The following CARS1 variants were observed in gnomAD, a reference collection of about 807,000 sequenced individuals.
CARS1 encodes the protein cysteinyl-tRNA synthetase 1.
A neutral mutation model predicts 106.2 loss-of-function variants in CARS1; 48 were observed. The ratio of observed to expected loss-of-function variants is 0.45; its 90% CI spans 0.36 to 0.57. The LOEUF (loss-of-function observed/expected upper bound fraction) is 0.57, where lower values mean the gene tolerates loss of function less well. Ranked by LOEUF, CARS1 falls within the 20% of genes least tolerant of loss-of-function variation. CARS1 has a pLI of 0.00. For synonymous variants in CARS1, 409 were observed against 403.4 expected (o/e 1.01, Z -0.17); for missense variants, 968 against 1,057.2 (o/e 0.92, Z 1.17).
intron 1 of CARS1, among the ~76,000 whole-genome samples, chr11:3,049,146 A>C (rs1442587417): frequency 6.6e-6 from 1 of 151,368 alleles, no homozygotes; most frequent in Non-Finnish European, 1.5e-5. Context: ...ACAGCGTCTG[A>C]CTCTACTGCC....
rs1038838754 is a variant in CARS1 at position 3,030,701 on chromosome 11, A to G, written c.802-1258T>C. 4 of 152,250 alleles carry G rather than the reference A, an allele frequency of 2.6e-5. No individual in the cohort carries two copies. The highest frequency in any genetic ancestry group is 5.9e-5 in the Non-Finnish European group (4 of 68,052). 9.4% of individuals were successfully genotyped at this position (152,250 alleles called of 1,614,324 possible). ...TTCAGATGGAGGAGTTATCAGATACATAATAAAATCCAGTAAATATTACAG... is the reference window on the plus strand; with the variant it reads ...TTCAGATGGAGGAGTTATCAGATACGTAATAAAATCCAGTAAATATTACAG... On this transcript the variant is annotated intron_variant, in intron 7 of 22. Coordinates refer to ENST00000380525, the MANE Select transcript of CARS1 (RefSeq NM_001014437.3). The surrounding 1 kb of genome is among the most constrained non-coding windows in gnomAD (Gnocchi z 5.7).
In CARS1 at chr11:3,021,720, C is replaced by T. The variant is rs1351350821; in HGVS notation, c.1154-1388G>A. Reference sequence around the variant, plus strand: ...TGATTCCCAGATTAAAAAACAAACACACAAAAACACAAAAAACCTCTGCAA... The same window carrying T: ...TGATTCCCAGATTAAAAAACAAACATACAAAAACACAAAAAACCTCTGCAA... On this transcript the variant is annotated intron_variant, in intron 10 of 22. Coordinates refer to ENST00000380525, the MANE Select transcript of CARS1 (RefSeq NM_001014437.3). This position sits in a 1 kb window ranked among gnomAD's most constrained non-coding sequence, Gnocchi z 5.3. Among the ~76,000 whole-genome samples, 2 of 152,150 alleles carry T rather than the reference C, an allele frequency of 1.3e-5. No individual in the cohort carries two copies. Among genetic ancestry groups the T allele is most frequent in the Non-Finnish European group, 2.9e-5 (2 of 68,022 alleles).
rs953753595 is a variant in CARS1, at chr11:3,034,334, C to A, written c.801+3716G>T. 1.3e-5 allele frequency among the ~76,000 whole-genome samples: 2 copies of A among 152,080 alleles called. No homozygotes were observed. The highest frequency in any genetic ancestry group is 2.4e-5 in the African/African-American group (1 of 41,360). ...CTCCTGGTTTCAAGCTATTCTCCTG[C>A]CTCAGCCTCCAGAGTAGCTGGGATT... On this transcript the variant is annotated intron_variant, in intron 7 of 22. Coordinates refer to ENST00000380525, the MANE Select transcript of CARS1 (RefSeq NM_001014437.3). This position sits in a 1 kb window ranked among gnomAD's most constrained non-coding sequence, Gnocchi z 6.3.
Position 3,018,637 on chromosome 11 carries a change from G to C in CARS1, c.1508C>G (p.Ala503Gly). 1 of 1,614,194 alleles carries C rather than the reference G, an allele frequency of 6.2e-7. No individual in the cohort carries two copies. The highest frequency in any genetic ancestry group is 8.5e-7 in the Non-Finnish European group (1 of 1,180,024). The change falls in exon 13 of 23, where the codon GCC becomes GGC. Residue 503 changes from alanine (A) to glycine (G), a missense_variant. By Grantham distance (60) the Ala-to-Gly change is moderately conservative. Coordinates refer to ENST00000380525, the MANE Select transcript of CARS1 (RefSeq NM_001014437.3). ...GTGTATACCTGAGTGCTTTTTCAAG[G>C]CATCTTTAATGGTGATGAAGTTTTT... ...SLKNFITIKDALKKHSARQLR... is the reference protein window; with the variant it reads ...SLKNFITIKDGLKKHSARQLR...
At chr11:3,036,227 T>C (rs2134233599) in intron 7 of CARS1, among the ~76,000 whole-genome samples, 1 of 152,338 alleles carries the variant, frequency 6.6e-6, no homozygotes, top group South Asian at 2.1e-4. Flanking sequence ...GTGTCACTGC[T>C]ACAAACCTTA....
rs1022961280 is a variant in CARS1, at chr11:3,045,153, T to C, written c.274+2600A>G. Among the ~76,000 whole-genome samples the C allele has an allele frequency of 6.6e-6, 1 of 152,120 alleles. No individual in the cohort carries two copies. Among genetic ancestry groups the C allele is most frequent in the African/African-American group, 2.4e-5 (1 of 41,422 alleles). On this transcript the variant is annotated intron_variant, in intron 2 of 22. Transcript: ENST00000380525. This position sits in a 1 kb window ranked among gnomAD's most constrained non-coding sequence, Gnocchi z 5.6. ...GTGCTCAACAAGTTCAACGTCCTGA[T>C]ATCCAGTGGACCTCCGTGCTGGAGG...
intron 18 of CARS1, chr11:3,007,335 T>C (rs1849983277): frequency 1.5e-5 from 4 of 260,194 alleles, no homozygotes; most frequent in Non-Finnish European, 2.9e-5. Flanking sequence ...GGGGGTCCCT[T>C]CGGGTGCTAA....
At chr11:3,015,029 A>G (rs1415263282) in intron 17 of CARS1, among the ~76,000 whole-genome samples, 1 of 152,166 alleles carries the variant, frequency 6.6e-6, no homozygotes, top group Non-Finnish European at 1.5e-5. Flanking sequence ...AGCAGGTGGA[A>G]GTCCATCTTT....
Position 3,045,102 on chromosome 11 carries a change from G to A in CARS1, c.274+2651C>T, listed in dbSNP as rs76577581. Among the ~76,000 whole-genome samples the A allele has an allele frequency of 7.0e-3, 1,061 of 152,244 alleles. 10 individuals carry two copies. The highest frequency in any genetic ancestry group is 0.011 in the Non-Finnish European group (780 of 68,024). ...TAGGGAGAGGCCGGCGGGCTGGAAG[G>A]GCTGAGCCTCCACTGCGGGTGAGAA... On this transcript the variant is annotated intron_variant, in intron 2 of 22. Coordinates refer to ENST00000380525, the MANE Select transcript of CARS1 (RefSeq NM_001014437.3). This position sits in a 1 kb window ranked among gnomAD's most constrained non-coding sequence, Gnocchi z 5.6.
Position 3,034,822 on chromosome 11 carries a change from C to G in CARS1, c.801+3228G>C, listed in dbSNP as rs898084087. ...GTGCTGGGATTACAGGCATGAGCCA[C>G]GATGCCCTGCCTGGGAATGGGTAAT... On this transcript the variant is annotated intron_variant, in intron 7 of 22. Coordinates refer to ENST00000380525, the MANE Select transcript of CARS1 (RefSeq NM_001014437.3). The surrounding 1 kb of genome is among the most constrained non-coding windows in gnomAD (Gnocchi z 6.3). Among the ~76,000 whole-genome samples the G allele has an allele frequency of 2.0e-5, 3 of 152,222 alleles. No homozygotes were observed. Among genetic ancestry groups the G allele is most frequent in the Non-Finnish European group, 4.4e-5 (3 of 68,042 alleles).
chr11:3,042,161 T>C lies in CARS1; in HGVS notation c.366+4A>G. On this transcript the variant is annotated splice_donor_region_variant and intron_variant, in intron 3 of 22. Coordinates refer to ENST00000380525, the MANE Select transcript of CARS1 (RefSeq NM_001014437.3). Reference sequence around the variant, plus strand: ...GTGTGCCACGGCATCTGTGTTCTCCTTACCTTGTTCCTGGTGAGGCTGTTG... The same window carrying C: ...GTGTGCCACGGCATCTGTGTTCTCCCTACCTTGTTCCTGGTGAGGCTGTTG... 1 of 1,612,652 alleles carries C rather than the reference T, an allele frequency of 6.2e-7. No individual in the cohort carries two copies. The highest frequency in any genetic ancestry group is 8.5e-7 in the Non-Finnish European group (1 of 1,178,744).
Position 3,045,902 on chromosome 11 carries a change from C to A in CARS1, c.274+1851G>T, listed in dbSNP as rs1190094908. Among the ~76,000 whole-genome samples, 1 of 152,184 alleles carries A rather than the reference C, an allele frequency of 6.6e-6. No individual in the cohort carries two copies. Among genetic ancestry groups the A allele is most frequent in the Non-Finnish European group, 1.5e-5 (1 of 68,028 alleles). On this transcript the variant is annotated intron_variant, in intron 2 of 22. Transcript: ENST00000380525. The surrounding 1 kb of genome is among the most constrained non-coding windows in gnomAD (Gnocchi z 5.6). Reference sequence around the variant, plus strand: ...GGACACTACACTGGACTCCATGGCGCCTTGGACCCACTCGAGGTCACTGGA... The same window carrying A: ...GGACACTACACTGGACTCCATGGCGACTTGGACCCACTCGAGGTCACTGGA...
At position 3,039,939 on chromosome 11, in the gene CARS1, A is replaced by T. The variant is rs1854200707; in HGVS notation, c.456-8T>A. On this transcript the variant is annotated splice_region_variant and splice_polypyrimidine_tract_variant and intron_variant, in intron 4 of 22. Transcript: ENST00000380525. This position sits in a 1 kb window ranked among gnomAD's most constrained non-coding sequence, Gnocchi z 5.6. ...TCAAAAGAGATGTAGGACCTAAAGCAATGAAAAAACAAACATTTCCACACC... is the reference window on the plus strand; with the variant it reads ...TCAAAAGAGATGTAGGACCTAAAGCTATGAAAAAACAAACATTTCCACACC... 2 of 1,502,692 alleles carry T rather than the reference A, an allele frequency of 1.3e-6. No individual in the cohort carries two copies. Among genetic ancestry groups the T allele is most frequent in the Non-Finnish European group, 1.8e-6 (2 of 1,100,790 alleles). 93.1% of individuals were successfully genotyped at this position (1,502,692 alleles called of 1,614,324 possible). A position where few individuals can be genotyped will look rare whatever the true frequency, so the allele number is the denominator to read the frequency against.
Position 3,043,358 on chromosome 11 carries a change from G to A in CARS1, c.275-1102C>T, listed in dbSNP as rs1279564962. On this transcript the variant is annotated intron_variant, in intron 2 of 22. Coordinates refer to ENST00000380525, the MANE Select transcript of CARS1 (RefSeq NM_001014437.3). This position sits in a 1 kb window ranked among gnomAD's most constrained non-coding sequence, Gnocchi z 4.0. ...GAGGACGGTACCTGGTGACTTTCCC[G>A]TTGCCCTCAGCCGGCTCCTGCCTGC... Among the ~76,000 whole-genome samples, 3 of 151,888 alleles carry A rather than the reference G, an allele frequency of 2.0e-5. No homozygotes were observed. The highest frequency in any genetic ancestry group is 2.9e-5 in the Non-Finnish European group (2 of 67,934).
Position 3,045,543 on chromosome 11 carries a change from A to C in CARS1, c.274+2210T>G, listed in dbSNP as rs538476840. Among the ~76,000 whole-genome samples the C allele has an allele frequency of 8.5e-5, 13 of 152,184 alleles. No homozygotes were observed. The South Asian group carries it at 1.0e-3, about 12-fold the overall frequency. On this transcript the variant is annotated intron_variant, in intron 2 of 22. Coordinates refer to ENST00000380525, the MANE Select transcript of CARS1 (RefSeq NM_001014437.3). The surrounding 1 kb of genome is among the most constrained non-coding windows in gnomAD (Gnocchi z 5.6). ...CCTCCCAAAGTGCTGGGATTACAGG[A>C]GTGAGCCACCGCGCCGGGCCAAGCA...
intron 16 of CARS1, 94 bp from the exon 17 acceptor site, chr11:3,015,943 G>A: frequency 9.4e-7 from 1 of 1,069,224 alleles, no homozygotes; most frequent in South Asian, 1.3e-5. Flanking sequence ...TCACGGGAGG[G>A]GGTGCCCCAA....
Position 3,017,011 on chromosome 11 carries a change from T to A in CARS1, c.1917+95A>T. The A allele has an allele frequency of 9.6e-7, 1 of 1,043,982 alleles. No individual in the cohort carries two copies. The highest frequency in any genetic ancestry group is 1.4e-6 in the Non-Finnish European group (1 of 716,342). 64.7% of individuals were successfully genotyped at this position (1,043,982 alleles called of 1,614,324 possible). A position where few individuals can be genotyped will look rare whatever the true frequency, so the allele number is the denominator to read the frequency against. The stretch of plus-strand genomic sequence containing the variant: ...AGGTGCTGGGCACCAGGCACAGCAC[T>A]GGGGGGCACCAGAGGCCTCTGTTCT... On this transcript the variant is annotated intron_variant, in intron 16 of 22. Coordinates refer to ENST00000380525, the MANE Select transcript of CARS1 (RefSeq NM_001014437.3). The surrounding 1 kb of genome is among the most constrained non-coding windows in gnomAD (Gnocchi z 4.9).
rs747606781 is a variant in CARS1 at position 3,047,848 on chromosome 11, T to C, written c.179A>G (p.Asp60Gly). 3 of 1,613,136 alleles carry C rather than the reference T, an allele frequency of 1.9e-6. No individual in the cohort carries two copies. Among genetic ancestry groups the C allele is most frequent in the East Asian group, 2.2e-5 (1 of 44,804 alleles). The stretch of plus-strand genomic sequence containing the variant: ...CCGAGCCACGTGGAAGAGCTGGGGG[T>C]CAGCGGGCGGGGCCGAGAGCTGCCT... The part of the protein sequence containing the change: ...AFRQLSAPPA[D>G]PQLFHVARWF... Residue 60 changes from aspartate to glycine, a missense_variant, in exon 2 of 23, where the codon GAC becomes GGC. Coordinates refer to ENST00000380525, the MANE Select transcript of CARS1 (RefSeq NM_001014437.3).
Position 3,019,076 on chromosome 11 carries a change from TC to T in CARS1, c.1395+62del. 6.7e-7 allele frequency: 1 copy of T among 1,484,180 alleles called. No homozygotes were observed. The highest frequency in any genetic ancestry group is 9.0e-7 in the Non-Finnish European group (1 of 1,115,992). The allele number at this position is 1,484,180 out of a possible 1,614,324, so 91.9% of individuals were successfully genotyped here. The stretch of plus-strand genomic sequence containing the variant: ...CCCTTCTGAGGCCTGGGCTGACTTT[TC>T]CTCCACTGCAGTATGAACACTGTGC... On this transcript the variant is annotated intron_variant, in intron 12 of 22. Transcript: ENST00000380525. The surrounding 1 kb of genome is among the most constrained non-coding windows in gnomAD (Gnocchi z 6.2).
Sources: allele counts gnomAD v4.1 joint callset (sites outside exome capture counted in the v4.1 genomes callset), GRCh38; gene constraint gnomAD v4.1.1; non-coding constraint Gnocchi (gnomAD v3.1); transcripts MANE v1.5; gene names NCBI Gene and HGNC (gene_info 2026-07-23, HGNC 2026-07-21).